Variants in ZMAT4 observed in about 807,000 individuals in gnomAD.
The protein encoded by ZMAT4 is zinc finger matrin-type 4.
A neutral mutation model predicts 28.7 loss-of-function variants in ZMAT4; 17 were observed. That is an observed-to-expected ratio of 0.59 (90% CI 0.41 to 0.89). The LOEUF is 0.89. Among genes scored for constraint, ZMAT4 ranks in the 40% least tolerant of loss-of-function variants. The probability of loss-of-function intolerance (pLI) is 0.00; values close to 1 mark genes in which losing one functional copy is unlikely to be tolerated. For missense variants in ZMAT4, 240 were observed against 283.8 expected (o/e 0.85, Z 1.11); for synonymous variants, 117 against 109.2 (o/e 1.07, Z -0.44).
intron 1 of ZMAT4, among the ~76,000 whole-genome samples, chr8:40,845,066 G>A (rs1816836597): frequency 6.6e-6 from 1 of 152,212 alleles, no homozygotes; most frequent in African/African-American, 2.4e-5. Flanking sequence ...CAAAGATTCA[G>A]TTCCCGTTAA....
intron 5 of ZMAT4, among the ~76,000 whole-genome samples, chr8:40,617,193 T>C (rs1806039609): frequency 6.6e-6 from 1 of 152,150 alleles, no homozygotes; most frequent in African/African-American, 2.4e-5. Flanking sequence ...AGTGTAAAAA[T>C]ACAGAGTACT....
Position 40,790,072 on chromosome 8 carries a change from T to C in ZMAT4, c.103-22342A>G, listed in dbSNP as rs1339602301. On this transcript the variant is annotated intron_variant, in intron 2 of 6. Coordinates refer to ENST00000297737, the MANE Select transcript of ZMAT4 (RefSeq NM_024645.3). The stretch of plus-strand genomic sequence containing the variant: ...TCCCTCTCTTTTCCACCATGAAGCT[T>C]CCCCACTCCCCTGCCTGCCTTTGAG... Among the ~76,000 whole-genome samples, 4 of 152,078 alleles carry C rather than the reference T, an allele frequency of 2.6e-5. No individual in the cohort carries two copies. The East Asian group carries it at 7.7e-4, about 29-fold the overall frequency.
intron 5 of ZMAT4, among the ~76,000 whole-genome samples, chr8:40,654,801 C>A (rs1228235562): frequency 2.1e-5 from 3 of 141,832 alleles, no homozygotes; most frequent in African/African-American, 5.4e-5. Flanking sequence ...GAAAATTCCT[C>A]CTGATAAAGA....
intron 1 of ZMAT4, among the ~76,000 whole-genome samples, chr8:40,828,677 G>A (rs1041118060): frequency 6.6e-6 from 1 of 152,110 alleles, no homozygotes; most frequent in Non-Finnish European, 1.5e-5. Context: ...CTCTGAAATC[G>A]ATGACACCTG....
intron 5 of ZMAT4, among the ~76,000 whole-genome samples, chr8:40,650,204 G>T (rs1351397963): frequency 1.3e-5 from 2 of 152,006 alleles, no homozygotes; most frequent in Non-Finnish European, 2.9e-5. Context: ...AAAAAAGAGG[G>T]AAGAATCAAA....
intron 5 of ZMAT4, among the ~76,000 whole-genome samples, chr8:40,626,035 G>T (rs578081746): frequency 4.0e-5 from 6 of 151,346 alleles, no homozygotes; most frequent in Non-Finnish European, 7.4e-5. Context: ...GTTTGAACCC[G>T]GGAGGTGGAG....
chr8:40,654,777 A>C (rs1807841981), intron 5 of ZMAT4, among the ~76,000 whole-genome samples: 1 of 151,806 alleles, frequency 6.6e-6, no homozygotes. Flanking sequence ...GAAAACACTC[A>C]ACAAACTGTA....
intron 5 of ZMAT4, among the ~76,000 whole-genome samples, chr8:40,656,567 G>A (rs1040478150): frequency 1.3e-5 from 2 of 151,900 alleles, no homozygotes; most frequent in Admixed American, 6.6e-5. Context: ...TAAACAAAAA[G>A]TGTACCTACA....
At chr8:40,760,748 C>G (rs1216261945) in intron 3 of ZMAT4, among the ~76,000 whole-genome samples, 1 of 151,190 alleles carries the variant, frequency 6.6e-6, no homozygotes, top group Admixed American at 6.6e-5. Flanking sequence ...CATGCTCTCT[C>G]TCTCTCTGTC....
At chr8:40,555,896 A>G (rs1290897539) in intron 6 of ZMAT4, among the ~76,000 whole-genome samples, 1 of 151,830 alleles carries the variant, frequency 6.6e-6, no homozygotes, top group East Asian at 1.9e-4. Context: ...TCTCCCAACC[A>G]CTCAACCGAC....
chr8:40,845,849 C>A (rs1459970494), intron 1 of ZMAT4, among the ~76,000 whole-genome samples: 1 of 147,328 alleles, frequency 6.8e-6, no homozygotes, highest in African/African-American at 2.5e-5. Flanking sequence ...ATGTACTTAA[C>A]AATGATAGAG....
chr8:40,679,897 G>C (rs552542996), intron 4 of ZMAT4, among the ~76,000 whole-genome samples: 25 of 152,210 alleles, frequency 1.6e-4, no homozygotes, highest in African/African-American at 5.8e-4. Flanking sequence ...TAAATAAAAT[G>C]TTCTTTACAC....
At chr8:40,660,468 G>A (rs555347118) in intron 5 of ZMAT4, among the ~76,000 whole-genome samples, 54 of 152,074 alleles carry the variant, frequency 3.6e-4, no homozygotes, top group African/African-American at 1.2e-3. Flanking sequence ...TTTCATTATT[G>A]TATCTTCAGT....
chr8:40,542,038 T>C (rs1439100790), intron 6 of ZMAT4, among the ~76,000 whole-genome samples: 4 of 151,954 alleles, frequency 2.6e-5, no homozygotes, highest in African/African-American at 9.7e-5. Flanking sequence ...AAGGGATGAG[T>C]TGGCAGAAGT....
chr8:40,691,967 C>T (rs1206193161), intron 4 of ZMAT4, among the ~76,000 whole-genome samples: 1 of 152,136 alleles, frequency 6.6e-6, no homozygotes, highest in Non-Finnish European at 1.5e-5. Context: ...ATGATACATT[C>T]CTGTTAAATT....
intron 5 of ZMAT4, among the ~76,000 whole-genome samples, chr8:40,659,856 A>G (rs1808108732): frequency 1.3e-5 from 2 of 152,302 alleles, no homozygotes; most frequent in South Asian, 4.1e-4. Context: ...TGAATCCACT[A>G]CGCTGAACCT....
chr8:40,649,021 G>A (rs909610325), intron 5 of ZMAT4, among the ~76,000 whole-genome samples: 42 of 142,838 alleles, frequency 2.9e-4, no homozygotes, highest in Non-Finnish European at 5.3e-4. Flanking sequence ...ATCAACTAAC[G>A]AGCAAAATAA....
At chr8:40,756,426 T>TATATATATATATATA (rs1812683324) in intron 3 of ZMAT4, among the ~76,000 whole-genome samples, 20 of 73,282 alleles carry the variant, frequency 2.7e-4, no homozygotes, top group African/African-American at 1.2e-3. Flanking sequence ...AAATGTTCTT[T>TATATATATATATATA]TATATATATA....
At chr8:40,732,044 G>C (rs762971856) in intron 3 of ZMAT4, among the ~76,000 whole-genome samples, 7 of 152,144 alleles carry the variant, frequency 4.6e-5, no homozygotes, top group Non-Finnish European at 7.3e-5. Context: ...GTAGAATGGT[G>C]ATTGCCAGGG....
Sources: gnomAD v4.1 joint callset for allele counts (sites outside exome capture counted in the v4.1 genomes callset) on GRCh38, gnomAD v4.1.1 for gene constraint, MANE v1.5 for transcripts, NCBI Gene and HGNC (gene_info 2026-07-23, HGNC 2026-07-21) for gene names.